The following KRI1 variants were observed in gnomAD, a reference collection of about 807,000 sequenced individuals.
The protein encoded by KRI1 is protein KRI1 homolog.
Under a neutral mutation model 97.0 loss-of-function variants are expected in KRI1, and 83 were observed. That is an observed-to-expected ratio of 0.86 (90% CI 0.72 to 1.03). The LOEUF is 1.03. Ranked by LOEUF, KRI1 falls within the 50% of genes least tolerant of loss-of-function variation. The pLI, the probability that KRI1 is intolerant of heterozygous loss-of-function variation, is 0.00. For missense variants in KRI1, 916 were observed against 928.4 expected, an observed-to-expected ratio of 0.99 and a Z score of 0.17; for synonymous variants, 371 against 363.5, an observed-to-expected ratio of 1.02 and a Z score of -0.23.
chr19:10,554,444 C>T (rs146607162), intron 18 of KRI1, among the ~76,000 whole-genome samples, 163 bp from the exon 19 acceptor site: 1,929 of 152,276 alleles, frequency 0.013, 16 homozygotes, highest in Middle Eastern at 0.037. Context: ...CAGGCCAAAG[C>T]CAGCGCTTTT....
chr19:10,565,699 C>T lies in KRI1; in HGVS notation c.168+18G>A, dbSNP rs1410113990. The T allele has an allele frequency of 6.4e-7, 1 of 1,556,510 alleles. No homozygotes were observed. On this transcript the variant is annotated intron_variant, in intron 2 of 18. Transcript: ENST00000312962. ...CTTGGACGCCTCCGCACGTCCAGGA[C>T]GGGGCGGGGACGCGCACCACGCGCT...
intron 8 of KRI1, 110 bp from the exon 9 acceptor site, chr19:10,560,558 C>T (rs1916664499): frequency 1.3e-6 from 1 of 778,948 alleles, no homozygotes; most frequent in African/African-American, 1.7e-5. Context: ...GACATTAGCC[C>T]CATTTTGGTT....
chr19:10,564,141 C>T (rs940468723), intron 3 of KRI1, among the ~76,000 whole-genome samples: 9 of 138,848 alleles, frequency 6.5e-5, no homozygotes, highest in African/African-American at 1.6e-4. Context: ...AGCAAAACTC[C>T]GTCTCAAAAA....
At chr19:10,558,477 G>T (rs540592042) in intron 12 of KRI1, among the ~76,000 whole-genome samples, 1 of 151,876 alleles carries the variant, frequency 6.6e-6, no homozygotes, top group East Asian at 1.9e-4. Context: ...CATATCCACA[G>T]TTCTTCGCCG....
Position 10,554,985 on chromosome 19 carries a change from G to A in KRI1, c.1781+102C>T, listed in dbSNP as rs144955724. 8,297 of 909,656 alleles carry A rather than the reference G, an allele frequency of 9.1e-3. 62 individuals carry two copies. The highest frequency in any genetic ancestry group is 0.015 in the Middle Eastern group (44 of 3,006). The allele number at this position is 909,656 out of a possible 1,614,324, so 56.3% of individuals were successfully genotyped here. A position where few individuals can be genotyped will look rare whatever the true frequency, so the allele number is the denominator to read the frequency against. ...GAACCCAGGTCTCAGAGCGGGGGGCGCTGCATTCCCAAAGTCATGCAACAA... is the reference window on the plus strand; with the variant it reads ...GAACCCAGGTCTCAGAGCGGGGGGCACTGCATTCCCAAAGTCATGCAACAA... On this transcript the variant is annotated intron_variant, in intron 18 of 18. Transcript: ENST00000312962.
At chr19:10,561,752 G>A (rs1383451526) in intron 5 of KRI1, 36 bp from the exon 6 acceptor site, 4 of 1,613,882 alleles carry the variant, frequency 2.5e-6, no homozygotes, top group Non-Finnish European at 2.5e-6. Flanking sequence ...GCCAGCCCCA[G>A]GCCCCTCAGC....
chr19:10,564,077 C>T (rs1354403189), intron 3 of KRI1, among the ~76,000 whole-genome samples: 3 of 149,248 alleles, frequency 2.0e-5, no homozygotes, highest in East Asian at 3.9e-4. Flanking sequence ...ACCGGGGAGG[C>T]GGAGGTTGCA....
At position 10,555,185 on chromosome 19, in the gene KRI1, C is replaced by T; in HGVS notation, c.1683G>A (p.Arg561=). The T allele has an allele frequency of 5.6e-6, 9 of 1,607,212 alleles. No homozygotes were observed. The highest frequency in any genetic ancestry group is 1.1e-5 in the South Asian group (1 of 90,752). ...WCSLKKTCMY[R]SEQEELRDKR... ...TGTCCCGCAGCTCCTCCTGCTCTGACCTGCAGACAGATGCCCCTGTGTTGG... is the reference window on the plus strand; with the variant it reads ...TGTCCCGCAGCTCCTCCTGCTCTGATCTGCAGACAGATGCCCCTGTGTTGG... Residue 561 remains arginine (R), a splice_region_variant and synonymous_variant, in exon 18 of 19, where the codon AGG becomes AGA. Coordinates refer to ENST00000312962, the MANE Select transcript of KRI1 (RefSeq NM_023008.5).
At chr19:10,561,102 G>T (rs761946215) in intron 7 of KRI1, 22 bp from the exon 8 acceptor site, 1 of 1,613,492 alleles carries the variant, frequency 6.2e-7, no homozygotes, top group Admixed American at 1.7e-5. Context: ...CTAGCACTGA[G>T]CATCCGCAGA....
rs759999866 is a variant in KRI1, at chr19:10,564,922, C to A, written c.274+7G>T. 117 of 1,576,168 alleles carry A rather than the reference C, an allele frequency of 7.4e-5. No individual in the cohort carries two copies. Among genetic ancestry groups the A allele is most frequent in the Non-Finnish European group, 9.5e-5 (109 of 1,145,704 alleles). On this transcript the variant is annotated splice_region_variant and intron_variant, in intron 3 of 18. Coordinates refer to ENST00000312962, the MANE Select transcript of KRI1 (RefSeq NM_023008.5). Reference sequence around the variant, plus strand: ...AAGGAGAGGTTTAGACAGGAGTGGCCCCGGACCTGTTCTGTTATAGAAGGT... The same window carrying A: ...AAGGAGAGGTTTAGACAGGAGTGGCACCGGACCTGTTCTGTTATAGAAGGT...
intron 12 of KRI1, 123 bp from the exon 13 acceptor site, chr19:10,558,362 C>A: frequency 1.3e-6 from 1 of 792,892 alleles, no homozygotes. Context: ...TCCCTACAGC[C>A]CTCCCAGCAC....
chr19:10,554,365 G>A (rs1916426029), intron 18 of KRI1, 84 bp from the exon 19 acceptor site: 2 of 1,201,672 alleles, frequency 1.7e-6, no homozygotes, highest in South Asian at 1.3e-5. Context: ...TTACAGACAG[G>A]GAAAGGAGGG....
At position 10,553,653 on chromosome 19, in the gene KRI1, G is replaced by A. The variant is rs1916390550; in HGVS notation, c.*298C>T. On this transcript the variant is annotated 3_prime_UTR_variant, in exon 19 of 19. Transcript: ENST00000312962. ...TGCAGTGGTGCAATCATAGCTCTCT[G>A]TAGCCTCAAACTCATGGCCTTAAGT... The A allele has an allele frequency of 3.2e-6, 1 of 310,978 alleles. No individual in the cohort carries two copies. Among genetic ancestry groups the A allele is most frequent in the African/African-American group, 2.2e-5 (1 of 45,122 alleles). 19.3% of individuals were successfully genotyped at this position (310,978 alleles called of 1,614,324 possible).
At chr19:10,565,187 G>A in intron 2 of KRI1, 153 bp from the exon 3 acceptor site, 1 of 659,258 alleles carries the variant, frequency 1.5e-6, no homozygotes. Flanking sequence ...AGGGAGAGGG[G>A]CCCTCTTGGG....
intron 8 of KRI1, 119 bp downstream of exon 8, chr19:10,560,884 T>C: frequency 1.3e-6 from 1 of 757,418 alleles, no homozygotes; most frequent in Non-Finnish European, 2.2e-6. Context: ...TAAAGAGATG[T>C]AGGAGCTGAG....
chr19:10,558,454 C>T (rs912570160), intron 12 of KRI1, among the ~76,000 whole-genome samples: 6 of 152,156 alleles, frequency 3.9e-5, no homozygotes, highest in Admixed American at 1.3e-4. Context: ...GTACTGGCCG[C>T]CATTCAGTTC....
chr19:10,565,781 C>G lies in KRI1; in HGVS notation c.104G>C (p.Arg35Pro). 6.4e-7 allele frequency: 1 copy of G among 1,574,476 alleles called. No individual in the cohort carries two copies. ...EREELQRLKD[R>P]YGDRDSSSDS... ...GCTGCTGCTGTCTCGGTCCCCGTAG[C>G]GATCCTTCACTGCGGGACACAGACG... Residue 35 changes from arginine to proline, a missense_variant, in exon 2 of 19, where the codon CGC (arginine) becomes CCC (proline). Around this residue, in one of 3 missense-constraint regions of KRI1, gnomAD observed 173 missense variants for 153.1 expected, o/e 1.13. Transcript: ENST00000312962.
At position 10,553,991 on chromosome 19, in the gene KRI1, C is replaced by G. The variant is rs763958809; in HGVS notation, c.2072G>C (p.Arg691Pro). The change falls in exon 19 of 19, where the codon CGG (arginine) becomes CCG (proline). Residue 691 changes from arginine to proline, a missense_variant. This residue lies in a region of KRI1 where 672 missense variants were observed against 667.2 expected (regional missense o/e 1.01). Transcript: ENST00000312962. ...GGGCCCCTGTTGTTTCCTCCGCTGCCGGCCCAGCTGGCGGAAGTGCAGCCG... is the reference window on the plus strand; with the variant it reads ...GGGCCCCTGTTGTTTCCTCCGCTGCGGGCCCAGCTGGCGGAAGTGCAGCCG... The part of the protein sequence containing the change: ...PKRLHFRQLG[R>P]QRRKQQGPKN... 7 of 1,612,188 alleles carry G rather than the reference C, an allele frequency of 4.3e-6. No individual in the cohort carries two copies. The highest frequency in any genetic ancestry group is 1.1e-5 in the South Asian group (1 of 90,926).
rs143038509 is a variant in KRI1, at chr19:10,557,927, C to T, written c.1360-32G>A. On this transcript the variant is annotated intron_variant, in intron 14 of 18. Transcript: ENST00000312962. ...GGACGCACAGGTCAGATCCCACCAG[C>T]CCCCCGTCAGGGCCCCTGGGACTCC... 4.0e-4 allele frequency: 648 copies of T among 1,613,590 alleles called. 1 individual carries two copies. In the African/African-American group the frequency reaches 6.8e-3, roughly 17 times the overall value.
Sources: allele counts gnomAD v4.1 joint callset (sites outside exome capture counted in the v4.1 genomes callset), GRCh38; gene constraint gnomAD v4.1.1; regional missense constraint gnomAD v4.1.1; transcripts MANE v1.5; gene names NCBI Gene and HGNC (gene_info 2026-07-23, HGNC 2026-07-21).